Variants in ATP13A3 observed in about 807,000 individuals in gnomAD.
ATP13A3 encodes the protein polyamine-transporting ATPase 13A3.
A neutral mutation model predicts 158.1 loss-of-function variants in ATP13A3; 59 were observed. That is an observed-to-expected ratio of 0.37 (90% CI 0.30 to 0.46). ATP13A3 has a LOEUF of 0.46. Ranked by LOEUF, ATP13A3 falls within the 20% of genes least tolerant of loss-of-function variation. ATP13A3 has a pLI of 1.00. For missense variants in ATP13A3, 1,166 were observed against 1,525.2 expected (o/e 0.76, Z 3.92); for synonymous variants, 491 against 504.3 (o/e 0.97, Z 0.35).
At chr3:194,440,161 CAA>C (rs1397889960) in intron 16 of ATP13A3, among the ~76,000 whole-genome samples, 1 of 152,092 alleles carries the variant, frequency 6.6e-6, no homozygotes, top group Non-Finnish European at 1.5e-5. Context: ...AATATGGAAA[CAA>C]AGGGCAAACT....
chr3:194,449,045 AC>A (rs1718607438), intron 11 of ATP13A3, among the ~76,000 whole-genome samples: 1 of 13,482 alleles, frequency 7.4e-5, no homozygotes, highest in African/African-American at 5.1e-4. Flanking sequence ...ATCCACCCCT[AC>A]ACACACACAC....
Position 194,448,408 on chromosome 3 carries a change from T to A in ATP13A3, c.1150+49A>T, listed in dbSNP as rs1718554373. 1 of 1,581,124 alleles carries A rather than the reference T, an allele frequency of 6.3e-7. No homozygotes were observed. Among genetic ancestry groups the A allele is most frequent in the African/African-American group, 1.4e-5 (1 of 73,970 alleles). ...TCTCTTTTTAAACATTTAGTAGGTA[T>A]CAAATATGCTGAAACATGCAAAAAG... is the stretch of plus-strand genomic sequence containing the variant. On this transcript the variant is annotated intron_variant, in intron 12 of 33. Coordinates refer to ENST00000645319, the MANE Select transcript of ATP13A3 (RefSeq NM_001367549.1). This position sits in a 1 kb window ranked among gnomAD's most constrained non-coding sequence, Gnocchi z 4.0.
chr3:194,480,638 T>A (rs1373017300), intron 2 of ATP13A3, among the ~76,000 whole-genome samples: 2 of 152,182 alleles, frequency 1.3e-5, no homozygotes, highest in African/African-American at 4.8e-5. Context: ...GATCTTTTTG[T>A]GGCATAACCT....
At chr3:194,434,015 A>T in intron 20 of ATP13A3, 119 bp from the exon 21 acceptor site, 1 of 1,076,934 alleles carries the variant, frequency 9.3e-7, no homozygotes, top group Non-Finnish European at 1.3e-6. Flanking sequence ...GCAGTTTAAA[A>T]TATCTATAAA....
At chr3:194,457,487 T>C (rs1052666946) in intron 6 of ATP13A3, among the ~76,000 whole-genome samples, 1 of 152,202 alleles carries the variant, frequency 6.6e-6, no homozygotes, top group Admixed American at 6.5e-5. Flanking sequence ...AAAGCTGTAA[T>C]AGCTAAAATT....
At chr3:194,430,744 A>ATATTG (rs1181489101) in intron 24 of ATP13A3, among the ~76,000 whole-genome samples, 199 bp downstream of exon 24, 1 of 152,236 alleles carries the variant, frequency 6.6e-6, no homozygotes, top group Non-Finnish European at 1.5e-5. Flanking sequence ...AAAACTGTGG[A>ATATTG]TATTGTACTT....
chr3:194,427,684 AT>A (rs1211809589), intron 28 of ATP13A3, among the ~76,000 whole-genome samples: 1 of 146,234 alleles, frequency 6.8e-6, no homozygotes, highest in Non-Finnish European at 1.5e-5. Flanking sequence ...TAAATAAATA[AT>A]TTTAAATTAA....
intron 24 of ATP13A3, among the ~76,000 whole-genome samples, 192 bp downstream of exon 24, chr3:194,430,751 A>C (rs1717156127): frequency 6.6e-6 from 1 of 152,224 alleles, no homozygotes. Flanking sequence ...TGGATATTGT[A>C]CTTTAGCTAA....
intron 2 of ATP13A3, among the ~76,000 whole-genome samples, chr3:194,482,771 T>C (rs567012474): frequency 6.6e-6 from 1 of 151,966 alleles, no homozygotes; most frequent in East Asian, 1.9e-4. Flanking sequence ...CCAGGAGTTC[T>C]GAGACAAGCC....
chr3:194,432,165 C>A, intron 21 of ATP13A3: 1 of 365,958 alleles, frequency 2.7e-6, no homozygotes, highest in Non-Finnish European at 4.9e-6. Flanking sequence ...TCCAGTCATG[C>A]ACTATTTGTA....
chr3:194,456,659 A>G (rs548567798), intron 7 of ATP13A3, among the ~76,000 whole-genome samples: 22 of 152,262 alleles, frequency 1.4e-4, no homozygotes, highest in African/African-American at 5.3e-4. Context: ...TATGTCTCCC[A>G]ATTTACAATC....
At chr3:194,475,787 G>C (rs548749715) in intron 2 of ATP13A3, among the ~76,000 whole-genome samples, 1 of 152,158 alleles carries the variant, frequency 6.6e-6, no homozygotes, top group South Asian at 2.1e-4. Context: ...AACCACAATA[G>C]TGACGCCTGT....
At position 194,459,986 on chromosome 3, in the gene ATP13A3, G is replaced by A; in HGVS notation, c.226-15C>T. ...TTGAATTCATCCTTAAAGAGAGAAA[G>A]GGATAACGGTAAGGAGTCAATTTTA... On this transcript the variant is annotated splice_polypyrimidine_tract_variant and intron_variant, in intron 4 of 33. Coordinates refer to ENST00000645319, the MANE Select transcript of ATP13A3 (RefSeq NM_001367549.1). 1 of 1,597,750 alleles carries A rather than the reference G, an allele frequency of 6.3e-7. No homozygotes were observed. The highest frequency in any genetic ancestry group is 8.5e-7 in the Non-Finnish European group (1 of 1,169,788).
chr3:194,438,578 G>C (rs1489118560), intron 17 of ATP13A3, among the ~76,000 whole-genome samples: 7 of 152,158 alleles, frequency 4.6e-5, no homozygotes, highest in African/African-American at 1.7e-4. Flanking sequence ...TCCTATCTCT[G>C]CATAAGAGTT....
chr3:194,470,884 C>G (rs190074540), intron 2 of ATP13A3, among the ~76,000 whole-genome samples: 2 of 152,240 alleles, frequency 1.3e-5, no homozygotes, highest in Admixed American at 6.5e-5. Flanking sequence ...ACTGAATATT[C>G]AGAACTGGCA....
At chr3:194,422,891 T>C (rs950267261) in intron 30 of ATP13A3, among the ~76,000 whole-genome samples, 12 of 150,956 alleles carry the variant, frequency 7.9e-5, no homozygotes, top group African/African-American at 2.9e-4. Flanking sequence ...AAAGGTCACC[T>C]TATTCTGTAG....
chr3:194,437,677 GAAAC>G, intron 17 of ATP13A3, 104 bp from the exon 18 acceptor site: 1 of 1,190,476 alleles, frequency 8.4e-7, no homozygotes. Flanking sequence ...ATTTGGAAAA[GAAAC>G]AAGCAACTGT....
At chr3:194,492,255 C>T (rs559760990) in intron 2 of ATP13A3, among the ~76,000 whole-genome samples, 1 of 152,076 alleles carries the variant, frequency 6.6e-6, no homozygotes, top group Non-Finnish European at 1.5e-5. Context: ...GGTCTTTGTA[C>T]AATCTATTCT....
At chr3:194,483,400 G>A (rs1020023409) in intron 2 of ATP13A3, among the ~76,000 whole-genome samples, 6 of 145,128 alleles carry the variant, frequency 4.1e-5, no homozygotes, top group African/African-American at 8.0e-5. Flanking sequence ...GACCAGCCTG[G>A]GCAACACGGT....
Sources: allele counts gnomAD v4.1 joint callset (sites outside exome capture counted in the v4.1 genomes callset), GRCh38; gene constraint gnomAD v4.1.1; non-coding constraint Gnocchi (gnomAD v3.1); transcripts MANE v1.5; gene names NCBI Gene and HGNC (gene_info 2026-07-23, HGNC 2026-07-21).